KAT5: variants seen among roughly 807,000 people sequenced by gnomAD.
KAT5 encodes the protein histone acetyltransferase KAT5.
A neutral mutation model predicts 68.1 loss-of-function variants in KAT5; 31 were observed. That is an observed-to-expected ratio of 0.46 (90% CI 0.34 to 0.61). The LOEUF (loss-of-function observed/expected upper bound fraction) is 0.61. Ranked by LOEUF, KAT5 falls within the 20% of genes least tolerant of loss-of-function variation. The pLI, the probability that KAT5 is intolerant of heterozygous loss-of-function variation, is 0.01. For synonymous variants in KAT5, 365 were observed against 292.6 expected (o/e 1.25, Z -2.52); for missense variants, 451 against 725.5 (o/e 0.62, Z 4.35).
intron 10 of KAT5, 166 bp downstream of exon 10, chr11:65,717,148 T>C: frequency 1.6e-6 from 1 of 627,924 alleles, no homozygotes; most frequent in Non-Finnish European, 2.9e-6. Context: ...CCGTTCAGGC[T>C]GACTGCCCTG....
At chr11:65,713,699 C>A (rs891908920) in intron 5 of KAT5, 32 bp downstream of exon 5, 1 of 1,613,576 alleles carries the variant, frequency 6.2e-7, no homozygotes. Context: ...TTGTTCTCTT[C>A]CTCTCTTCTA....
rs1857324721 is a variant in KAT5 at position 65,719,492 on chromosome 11, G to A, written c.*311G>A. On this transcript the variant is annotated 3_prime_UTR_variant, in exon 13 of 13. Transcript: ENST00000341318. ...AGCTCTGTACAGAGGGCTGGTGATT[G>A]TAAAAATTTCTTTTGTAAAGTAGAA... 6.6e-6 allele frequency: 4 copies of A among 609,772 alleles called. No individual in the cohort carries two copies. The highest frequency in any genetic ancestry group is 4.0e-5 in the South Asian group (2 of 49,734). The allele number at this position is 609,772 out of a possible 1,614,324, so 37.8% of individuals were successfully genotyped here. A position where few individuals can be genotyped will look rare whatever the true frequency, so the allele number is the denominator to read the frequency against.
chr11:65,714,434 A>G, intron 6 of KAT5, 61 bp from the exon 7 acceptor site: 4 of 1,577,410 alleles, frequency 2.5e-6, no homozygotes, highest in Non-Finnish European at 3.4e-6. Flanking sequence ...AAGGGCTGTG[A>G]GCTGTGGTGT....
chr11:65,713,916 T>G, intron 6 of KAT5, 68 bp downstream of exon 6: 1 of 1,371,158 alleles, frequency 7.3e-7, no homozygotes, highest in Non-Finnish European at 1.0e-6. Flanking sequence ...TGGAGAGTTA[T>G]TTAGTGATGA....
Position 65,712,905 on chromosome 11 carries a change from C to T in KAT5, c.248-17C>T, listed in dbSNP as rs1857071030. 6.2e-7 allele frequency: 1 copy of T among 1,614,022 alleles called. No homozygotes were observed. Among genetic ancestry groups the T allele is most frequent in the South Asian group, 1.1e-5 (1 of 91,088 alleles). Reference sequence around the variant, plus strand: ...CAGTCTTTGGCATTCTGTCCTGAGCCATCCCCACTGCTACAGTCAACAAAC... The same window carrying T: ...CAGTCTTTGGCATTCTGTCCTGAGCTATCCCCACTGCTACAGTCAACAAAC... On this transcript the variant is annotated splice_polypyrimidine_tract_variant and intron_variant, in intron 2 of 12. Transcript: ENST00000341318.
intron 10 of KAT5, 117 bp downstream of exon 10, chr11:65,717,099 C>A: frequency 2.6e-6 from 2 of 759,188 alleles, no homozygotes; most frequent in Admixed American, 2.2e-5. Flanking sequence ...TCTAGGGGAA[C>A]CAGCCAGAAA....
Position 65,712,913 on chromosome 11 carries a change from C to T in KAT5, c.248-9C>T, listed in dbSNP as rs1443569724. The T allele has an allele frequency of 6.2e-7, 1 of 1,614,010 alleles. No homozygotes were observed. Among genetic ancestry groups the T allele is most frequent in the African/African-American group, 1.3e-5 (1 of 74,900 alleles). On this transcript the variant is annotated splice_polypyrimidine_tract_variant and intron_variant, in intron 2 of 12. Coordinates refer to ENST00000341318, the MANE Select transcript of KAT5 (RefSeq NM_182710.3). ...GGCATTCTGTCCTGAGCCATCCCCA[C>T]TGCTACAGTCAACAAACGTCTGGAT...
intron 5 of KAT5, 40 bp from the exon 6 acceptor site, chr11:65,713,734 C>G (rs1391069758): frequency 3.1e-6 from 5 of 1,613,420 alleles, no homozygotes; most frequent in Admixed American, 1.7e-5. Context: ...TTTTCAGGCT[C>G]ATTTCACAGC....
intron 8 of KAT5, 177 bp downstream of exon 8, chr11:65,715,087 AG>A (rs1259798218): frequency 1.6e-6 from 1 of 627,080 alleles, no homozygotes; most frequent in Admixed American, 2.4e-5. Context: ...CTGACAGCTT[AG>A]TCCATGGGAG....
intron 8 of KAT5, among the ~76,000 whole-genome samples, chr11:65,715,653 C>G (rs900907432): frequency 2.6e-5 from 4 of 151,850 alleles, no homozygotes; most frequent in African/African-American, 4.8e-5. Context: ...CCCAGCTACT[C>G]GGGAGGCTGA....
upstream of KAT5, chr11:65,712,242 CG>C: frequency 7.1e-7 from 1 of 1,401,974 alleles, no homozygotes; most frequent in Non-Finnish European, 9.3e-7. Context: ...CCAGAGGGGC[CG>C]GAAGTGGCAG....
intron 3 of KAT5, 116 bp from the exon 4 acceptor site, chr11:65,713,232 G>A (rs1480899679): frequency 7.6e-7 from 1 of 1,323,848 alleles, no homozygotes; most frequent in Non-Finnish European, 1.1e-6. Context: ...CTAGTCCTGT[G>A]TCCTTCAGAA....
chr11:65,714,359 C>A (rs1260336418), intron 6 of KAT5, 136 bp from the exon 7 acceptor site: 6 of 996,902 alleles, frequency 6.0e-6, no homozygotes, highest in Non-Finnish European at 8.8e-6. Context: ...GGTTTTTTAT[C>A]TGGAAATTGG....
At chr11:65,713,132 G>A in intron 3 of KAT5, 74 bp downstream of exon 3, 1 of 1,575,198 alleles carries the variant, frequency 6.3e-7, no homozygotes, top group Non-Finnish European at 8.7e-7. Context: ...AGGAGCTCCT[G>A]GATGGGCAGG....
chr11:65,715,255 G>A (rs1857153885), intron 8 of KAT5: 1 of 339,128 alleles, frequency 2.9e-6, no homozygotes, highest in Non-Finnish European at 5.8e-6. Flanking sequence ...ATTTCTTGCA[G>A]TGGTGTTCTG....
At position 65,713,624 on chromosome 11, in the gene KAT5, C is replaced by A; in HGVS notation, c.572C>A (p.Thr191Asn). ...KRKVEVVSPATPVPSETAPAS... is the reference protein window; with the variant it reads ...KRKVEVVSPANPVPSETAPAS... The stretch of plus-strand genomic sequence containing the variant: ...AAGGTGGAGGTGGTTTCACCAGCAA[C>A]TCCAGTGCCCAGCGAGACAGCCCCG... Residue 191 changes from threonine (T) to asparagine (N), a missense_variant, in exon 5 of 13, where the codon ACT (threonine) becomes AAT (asparagine). By Grantham distance (65) the Thr-to-Asn change is moderately conservative. Transcript: ENST00000341318. The A allele has an allele frequency of 1.2e-6, 2 of 1,614,184 alleles. No homozygotes were observed. The highest frequency in any genetic ancestry group is 1.7e-6 in the Non-Finnish European group (2 of 1,180,032).
intron 8 of KAT5, chr11:65,716,372 C>T (rs985291019): frequency 7.8e-6 from 3 of 386,840 alleles, no homozygotes; most frequent in Non-Finnish European, 1.4e-5. Context: ...AGGCAGTGGT[C>T]TCTCCTGGTC....
rs775415646 is a variant in KAT5, at chr11:65,712,984, C to G, written c.310C>G (p.Pro104Ala). 24 of 1,613,936 alleles carry G rather than the reference C, an allele frequency of 1.5e-5. No homozygotes were observed. The highest frequency in any genetic ancestry group is 1.9e-5 in the Non-Finnish European group (23 of 1,180,034). ...GCTGGACCTAAAGAAGATCCAGTTC[C>G]CCAAGAAAGAGGCCAAGACCCCCAC... is the stretch of plus-strand genomic sequence containing the variant. ...ERLDLKKIQF[P>A]KKEAKTPTKN... The change falls in exon 3 of 13, where the codon CCC becomes GCC. Residue 104 changes from proline (P) to alanine (A), a missense_variant. This residue lies in a region of KAT5 where 135 missense variants were observed against 173.4 expected (regional missense o/e 0.78). Coordinates refer to ENST00000341318, the MANE Select transcript of KAT5 (RefSeq NM_182710.3).
At position 65,712,302 on chromosome 11, in the gene KAT5, G is replaced by T; in HGVS notation, c.35G>T (p.Gly12Val). The T allele has an allele frequency of 6.8e-7, 1 of 1,462,424 alleles. No homozygotes were observed. The highest frequency in any genetic ancestry group is 9.0e-7 in the Non-Finnish European group (1 of 1,110,432). 90.6% of individuals were successfully genotyped at this position (1,462,424 alleles called of 1,614,324 possible). The change falls in exon 1 of 13, where the codon GGG becomes GTG. Residue 12 changes from glycine to valine, a missense_variant. Gly to Val is a moderately radical substitution (Grantham distance 109). Around this residue, in one of 4 missense-constraint regions of KAT5, gnomAD observed 104 missense variants for 107.3 expected, o/e 0.97. Coordinates refer to ENST00000341318, the MANE Select transcript of KAT5 (RefSeq NM_182710.3). ...GTGGTGAGTCCGGTGCCCGGGGCGG[G>T]GCGGAGGGAGCCAGGGGAGGTGGGT... ...AEVVSPVPGA[G>V]RREPGEVGRA...
Sources: allele counts gnomAD v4.1 joint callset (sites outside exome capture counted in the v4.1 genomes callset), GRCh38; gene constraint gnomAD v4.1.1; regional missense constraint gnomAD v4.1.1; transcripts MANE v1.5; gene names NCBI Gene and HGNC (gene_info 2026-07-23, HGNC 2026-07-21).